Variants in ITPRID1 observed in about 807,000 individuals in gnomAD.
ITPRID1 encodes the protein protein ITPRID1.
Under a neutral mutation model 95.4 loss-of-function variants are expected in ITPRID1, and 96 were observed. The observed-to-expected ratio is 1.01, with a 90% CI of 0.85 to 1.19. The LOEUF is 1.19. ITPRID1 is among the 50% of genes most tolerant of loss of function. The pLI, the probability that ITPRID1 is intolerant of heterozygous loss-of-function variation, is 0.00. For synonymous variants in ITPRID1, 510 were observed against 453.6 expected (o/e 1.12, Z -1.58); for missense variants, 1,339 against 1,252.9 (o/e 1.07, Z -1.04).
intron 10 of ITPRID1, among the ~76,000 whole-genome samples, chr7:31,593,367 G>A (rs550756361): frequency 1.6e-4 from 24 of 152,122 alleles, no homozygotes; most frequent in East Asian, 7.7e-4. Flanking sequence ...AGTAGTTAGC[G>A]TCTAATATAT....
At chr7:31,646,419 C>T (rs1412335174) in intron 12 of ITPRID1, among the ~76,000 whole-genome samples, 1 of 152,100 alleles carries the variant, frequency 6.6e-6, no homozygotes, top group Non-Finnish European at 1.5e-5. Flanking sequence ...AGGATTGCAG[C>T]TTCTCCGAGG....
chr7:31,643,682 C>T lies in ITPRID1; in HGVS notation c.2312C>T (p.Thr771Ile), dbSNP rs746585755. The part of the protein sequence containing the change: ...SIQTSALSNK[T>I]LTHGPQPLTK... ...CAGACTTCAGCTCTAAGCAACAAGA[C>T]CTTGACACATGGGCCCCAGCCCCTC... Residue 771 changes from threonine (T) to isoleucine (I), a missense_variant, in exon 12 of 15, where the codon ACC (threonine) becomes ATC (isoleucine). Coordinates refer to ENST00000615280, the MANE Select transcript of ITPRID1 (RefSeq NM_001257967.3). 16 of 1,613,954 alleles carry T rather than the reference C, an allele frequency of 9.9e-6. No homozygotes were observed. In the African/African-American group the frequency reaches 1.2e-4, roughly 12 times the overall value.
intron 10 of ITPRID1, among the ~76,000 whole-genome samples, chr7:31,590,672 G>A (rs1434259856): frequency 6.6e-6 from 1 of 152,084 alleles, no homozygotes; most frequent in East Asian, 1.9e-4. Context: ...TTTCCCTGCT[G>A]GGTATCCCCA....
At chr7:31,561,266 A>G (rs1166768667) in intron 5 of ITPRID1, among the ~76,000 whole-genome samples, 1 of 152,166 alleles carries the variant, frequency 6.6e-6, no homozygotes, top group Non-Finnish European at 1.5e-5. Context: ...AGAAAAGTGA[A>G]GGCAAAGAGG....
chr7:31,565,516 G>A (rs1784767922), intron 5 of ITPRID1, among the ~76,000 whole-genome samples: 1 of 152,066 alleles, frequency 6.6e-6, no homozygotes, highest in African/African-American at 2.4e-5. Flanking sequence ...TGGGCAGAGA[G>A]CTTGAGGTCA....
At chr7:31,517,135 T>A (rs1783070154) in intron 1 of ITPRID1, among the ~76,000 whole-genome samples, 1 of 152,082 alleles carries the variant, frequency 6.6e-6, no homozygotes, top group Non-Finnish European at 1.5e-5. Context: ...AGATTTCAGG[T>A]TTTGGTTCGG....
intron 1 of ITPRID1, among the ~76,000 whole-genome samples, chr7:31,544,744 GAT>G (rs1349021685): frequency 6.6e-6 from 1 of 152,064 alleles, no homozygotes. Flanking sequence ...TGAATTAGTA[GAT>G]ATCATTGAAT....
chr7:31,554,766 T>C, intron 4 of ITPRID1, 92 bp from the exon 5 acceptor site: 1 of 1,144,490 alleles, frequency 8.7e-7, no homozygotes, highest in Non-Finnish European at 1.3e-6. Flanking sequence ...AACCTAACTC[T>C]GCATTTGCTC....
chr7:31,555,359 A>G (rs1156524069), intron 5 of ITPRID1: 2 of 153,212 alleles, frequency 1.3e-5, no homozygotes, highest in Admixed American at 1.3e-4. Flanking sequence ...CAAACAGTAC[A>G]AGTATTTCTG....
chr7:31,600,232 GGC>G (rs1292101431), intron 10 of ITPRID1, among the ~76,000 whole-genome samples: 1 of 152,136 alleles, frequency 6.6e-6, no homozygotes, highest in Non-Finnish European at 1.5e-5. Context: ...AGCTAATGTT[GGC>G]AAGGAAGCAC....
intron 3 of ITPRID1, among the ~76,000 whole-genome samples, chr7:31,553,685 A>G (rs1227867243): frequency 2.6e-5 from 4 of 152,190 alleles, no homozygotes; most frequent in Admixed American, 2.6e-4. Context: ...CTAACTTCAC[A>G]GCAGTTCAAC....
At chr7:31,605,567 C>T (rs116492810) in intron 10 of ITPRID1, among the ~76,000 whole-genome samples, 1 of 152,214 alleles carries the variant, frequency 6.6e-6, no homozygotes, top group Admixed American at 6.5e-5. Flanking sequence ...TAGTTCTTGT[C>T]TCCTGTAGCA....
At chr7:31,523,391 G>A (rs116042980) in intron 1 of ITPRID1, among the ~76,000 whole-genome samples, 3 of 152,194 alleles carry the variant, frequency 2.0e-5, no homozygotes, top group East Asian at 1.9e-4. Flanking sequence ...AGGGTGTCAC[G>A]TGAAGAGCTG....
intron 5 of ITPRID1, among the ~76,000 whole-genome samples, chr7:31,558,391 A>T (rs1042376881): frequency 6.6e-6 from 1 of 152,192 alleles, no homozygotes; most frequent in African/African-American, 2.4e-5. Flanking sequence ...TTCTCCCTCC[A>T]GGCCTTCTGA....
chr7:31,598,273 G>A (rs930647936), intron 10 of ITPRID1, among the ~76,000 whole-genome samples: 6 of 151,762 alleles, frequency 4.0e-5, no homozygotes, highest in Admixed American at 2.0e-4. Flanking sequence ...CATCATAATT[G>A]TCAACATTGG....
chr7:31,619,737 G>T (rs1787626862), intron 10 of ITPRID1, among the ~76,000 whole-genome samples: 1 of 152,098 alleles, frequency 6.6e-6, no homozygotes, highest in Admixed American at 6.5e-5. Flanking sequence ...TCTCACTAGG[G>T]AGTGCCAGAC....
chr7:31,636,412 G>A (rs6943694), intron 10 of ITPRID1, among the ~76,000 whole-genome samples: 114,439 of 152,110 alleles, frequency 0.75, 43,214 homozygotes, highest in East Asian at 0.83. Context: ...AATAGTAACT[G>A]CTTCGAGATT....
At chr7:31,600,044 TCA>T (rs1786327113) in intron 10 of ITPRID1, among the ~76,000 whole-genome samples, 1 of 152,128 alleles carries the variant, frequency 6.6e-6, no homozygotes, top group Non-Finnish European at 1.5e-5. Flanking sequence ...TCCAAATATT[TCA>T]CAAAGTATTT....
intron 10 of ITPRID1, among the ~76,000 whole-genome samples, chr7:31,619,623 G>C (rs1299470618): frequency 2.0e-5 from 3 of 152,048 alleles, no homozygotes; most frequent in African/African-American, 7.2e-5. Flanking sequence ...AGAAGGGGGA[G>C]GAGCCAAGAT....
Sources: gnomAD v4.1 joint callset for allele counts (sites outside exome capture counted in the v4.1 genomes callset) on GRCh38, gnomAD v4.1.1 for gene constraint, MANE v1.5 for transcripts, NCBI Gene and HGNC (gene_info 2026-07-23, HGNC 2026-07-21) for gene names.